KIAA2012: variants seen among roughly 807,000 people sequenced by gnomAD.
KIAA2012 encodes KIAA2012.
In KIAA2012, 125 loss-of-function variants were observed where a neutral mutation model predicts 150.6. The ratio of observed to expected loss-of-function variants is 0.83; its 90% CI spans 0.72 to 0.96. The LOEUF (loss-of-function observed/expected upper bound fraction) is 0.96. Among genes scored for constraint, KIAA2012 ranks in the 40% least tolerant of loss-of-function variants. The pLI, the probability that KIAA2012 is intolerant of heterozygous loss-of-function variation, is 0.00. For missense variants in KIAA2012, 1,219 were observed against 1,354.9 expected, an observed-to-expected ratio of 0.90 and a Z score of 1.57; for synonymous variants, 462 against 504.7, an observed-to-expected ratio of 0.92 and a Z score of 1.13.
chr2:202,202,277 A>T (rs556839377), intron 22 of KIAA2012, among the ~76,000 whole-genome samples, 152 bp from the exon 23 acceptor site: 72 of 152,342 alleles, frequency 4.7e-4, no homozygotes, highest in African/African-American at 1.7e-3. Flanking sequence ...AATTTACTAA[A>T]TGAAGAGTAT....
chr2:202,177,940 T>G (rs922369260), intron 15 of KIAA2012, among the ~76,000 whole-genome samples: 13 of 152,362 alleles, frequency 8.5e-5, no homozygotes, highest in Admixed American at 1.3e-4. Flanking sequence ...GGCTCATGCC[T>G]GTAATCCCAG....
chr2:202,104,048 T>C lies in KIAA2012; in HGVS notation c.1324+934T>C, dbSNP rs1690118551. Among the ~76,000 whole-genome samples the C allele has an allele frequency of 6.6e-6, 1 of 152,212 alleles. No homozygotes were observed. The highest frequency in any genetic ancestry group is 6.5e-5 in the Admixed American group (1 of 15,288). ...CTCCTGGGAATCACACAGGCAGCCATTTTGTTCTAAGCCTGTTTGGACTTC... is the reference window on the plus strand; with the variant it reads ...CTCCTGGGAATCACACAGGCAGCCACTTTGTTCTAAGCCTGTTTGGACTTC... On this transcript the variant is annotated intron_variant, in intron 8 of 23. Transcript: ENST00000498697. This position sits in a 1 kb window ranked among gnomAD's most constrained non-coding sequence, Gnocchi z 4.3.
intron 22 of KIAA2012, chr2:202,201,899 T>C (rs1041435277): frequency 2.0e-6 from 2 of 1,010,390 alleles, no homozygotes; most frequent in Non-Finnish European, 3.1e-6. Context: ...TGGCTGCAGG[T>C]CCGGTTCGTC....
chr2:202,126,995 GTCCAACCTCCGTTTCCCCC>G (rs1690807000), intron 12 of KIAA2012, among the ~76,000 whole-genome samples: 2 of 152,048 alleles, frequency 1.3e-5, no homozygotes, highest in Admixed American at 6.6e-5. Flanking sequence ...AATGGCTTCT[GTCCAACCTCCGTTTCCCCC>G]TCCAATTCCC....
In KIAA2012 at chr2:202,109,632, C is replaced by A; in HGVS notation, c.1494C>A (p.His498Gln). ...TTAAAGATGATGATGCCCCACCTCA[C>A]GATGTGGCCCCACCATTGGATCTTC... ...LSPQDDDAPPHDVAPPLDLLP... is the reference protein window; with the variant it reads ...LSPQDDDAPPQDVAPPLDLLP... Residue 498 changes from histidine to glutamine, a missense_variant, in exon 10 of 24, where the codon CAC (histidine) becomes CAA (glutamine). By Grantham distance (24) the His-to-Gln change is conservative. Transcript: ENST00000498697. 6.5e-7 allele frequency: 1 copy of A among 1,537,992 alleles called. No individual in the cohort carries two copies. Among genetic ancestry groups the A allele is most frequent in the Non-Finnish European group, 8.7e-7 (1 of 1,143,210 alleles).
intron 21 of KIAA2012, among the ~76,000 whole-genome samples, chr2:202,195,133 T>G (rs1208289164): frequency 6.6e-6 from 1 of 152,188 alleles, no homozygotes. Flanking sequence ...GTGTGACCGT[T>G]TGGCACATAT....
chr2:202,154,645 A>G (rs1691487371), intron 13 of KIAA2012, 28 bp from the exon 14 acceptor site: 1 of 1,517,176 alleles, frequency 6.6e-7, no homozygotes, highest in Non-Finnish European at 8.8e-7. Context: ...TTCATATGAA[A>G]GTTCGGGCTT....
intron 13 of KIAA2012, among the ~76,000 whole-genome samples, chr2:202,154,250 A>G (rs1236707661): frequency 5.3e-5 from 8 of 152,250 alleles, no homozygotes; most frequent in Admixed American, 4.6e-4. Flanking sequence ...CAGCCACTAT[A>G]TAAGTATCAA....
chr2:202,131,296 C>A (rs1488378014), intron 12 of KIAA2012, among the ~76,000 whole-genome samples: 1 of 152,044 alleles, frequency 6.6e-6, no homozygotes, highest in Non-Finnish European at 1.5e-5. Context: ...CACGCCACCA[C>A]ACCTGGCTAA....
In KIAA2012 at chr2:202,093,185, C is replaced by T. The variant is rs999428164; in HGVS notation, c.685C>T (p.Arg229Cys). Residue 229 changes from arginine to cysteine, a missense_variant and splice_region_variant, in exon 4 of 24, where the codon CGT (arginine) becomes TGT (cysteine). Transcript: ENST00000498697. The part of the protein sequence containing the change: ...WIQQGKSFEQ[R>C]QQGLDEGEAG... ...TCAACAAGGAAAATCTTTTGAACAA[C>T]GTACGTGTTGATTTACATGTTGATT... 9.7e-6 allele frequency: 15 copies of T among 1,550,720 alleles called. No individual in the cohort carries two copies. Among genetic ancestry groups the T allele is most frequent in the South Asian group, 2.4e-5 (2 of 84,032 alleles).
At chr2:202,133,130 A>ATTTTTTTTT (rs60064904) in intron 12 of KIAA2012, among the ~76,000 whole-genome samples, 2 of 67,794 alleles carry the variant, frequency 3.0e-5, no homozygotes, top group East Asian at 2.8e-4. Flanking sequence ...ATATATATAT[A>ATTTTTTTTT]TTTTTTTTTT....
intron 13 of KIAA2012, among the ~76,000 whole-genome samples, chr2:202,145,444 A>G (rs1264785405): frequency 6.6e-6 from 1 of 152,202 alleles, no homozygotes; most frequent in Non-Finnish European, 1.5e-5. Context: ...GTTTTTAATT[A>G]CAAAAGGAAG....
chr2:202,133,325 T>C (rs1246398457), intron 12 of KIAA2012, among the ~76,000 whole-genome samples: 3 of 151,532 alleles, frequency 2.0e-5, no homozygotes, highest in African/African-American at 7.3e-5. Flanking sequence ...CTGTTATGCA[T>C]CTCGAATTTA....
chr2:202,096,925 C>A (rs1239703065), intron 4 of KIAA2012, among the ~76,000 whole-genome samples: 1 of 152,198 alleles, frequency 6.6e-6, no homozygotes, highest in African/African-American at 2.4e-5. Context: ...AAACAGCAGT[C>A]TTACCTCAGT....
chr2:202,167,173 CA>C (rs57330831), intron 15 of KIAA2012, among the ~76,000 whole-genome samples: 120 of 118,564 alleles, frequency 1.0e-3, no homozygotes, highest in African/African-American at 1.5e-3. Context: ...GACTCCGTCT[CA>C]AAAAAAAAAA....
At chr2:202,123,919 T>A (rs1690713874) in intron 11 of KIAA2012, among the ~76,000 whole-genome samples, 1 of 152,184 alleles carries the variant, frequency 6.6e-6, no homozygotes, top group African/African-American at 2.4e-5. Flanking sequence ...CTGGGCATGG[T>A]GGCTCACACC....
intron 12 of KIAA2012, 115 bp from the exon 13 acceptor site, chr2:202,138,317 T>G: frequency 6.5e-6 from 5 of 768,186 alleles, no homozygotes; most frequent in Non-Finnish European, 1.1e-5. Flanking sequence ...GTATATGTGC[T>G]TATAATCTTA....
chr2:202,140,064 C>T (rs1173367077), intron 13 of KIAA2012, among the ~76,000 whole-genome samples: 1 of 152,102 alleles, frequency 6.6e-6, no homozygotes, highest in East Asian at 1.9e-4. Context: ...CCCGTCTCTA[C>T]TAAAAATACA....
intron 15 of KIAA2012, among the ~76,000 whole-genome samples, chr2:202,168,637 C>A (rs568656302): frequency 1.3e-5 from 2 of 152,186 alleles, no homozygotes; most frequent in Non-Finnish European, 2.9e-5. Context: ...TGCATGTAGT[C>A]CTCTGCTTAA....
Sources: allele counts gnomAD v4.1 joint callset (sites outside exome capture counted in the v4.1 genomes callset), GRCh38; gene constraint gnomAD v4.1.1; non-coding constraint Gnocchi (gnomAD v3.1); transcripts MANE v1.5; gene names NCBI Gene and HGNC (gene_info 2026-07-23, HGNC 2026-07-21).